Variants in DGKB observed in about 807,000 individuals in gnomAD.
DGKB encodes 90 kDa diacylglycerol kinase.
DGKB carries 67 observed loss-of-function variants against 114.3 expected under a neutral mutation model. The observed-to-expected ratio is 0.59, with a 90% CI of 0.48 to 0.72. The LOEUF is 0.72. Ranked by LOEUF, DGKB falls within the 30% of genes least tolerant of loss-of-function variation. The pLI is 0.00. For missense variants in DGKB, 907 were observed against 975.2 expected (o/e 0.93, Z 0.93); for synonymous variants, 398 against 323.1 (o/e 1.23, Z -2.49).
At chr7:14,158,028 G>A (rs1195831474) in intron 25 of DGKB, among the ~76,000 whole-genome samples, 1 of 152,158 alleles carries the variant, frequency 6.6e-6, no homozygotes, top group East Asian at 1.9e-4. Flanking sequence ...TTGTTTCCCA[G>A]ATTAGTCACT....
At chr7:14,275,514 T>C (rs1368566748) in intron 23 of DGKB, among the ~76,000 whole-genome samples, 1 of 152,188 alleles carries the variant, frequency 6.6e-6, no homozygotes, top group Admixed American at 6.5e-5. Context: ...AAGCAACATT[T>C]AACAAGCACT....
At chr7:14,480,869 TTTC>T (rs1782885706) in intron 20 of DGKB, among the ~76,000 whole-genome samples, 1 of 152,142 alleles carries the variant, frequency 6.6e-6, no homozygotes, top group African/African-American at 2.4e-5. Flanking sequence ...TAGCTCATAT[TTTC>T]ATACATCTTA....
At chr7:14,154,177 CTTTT>C (rs5882429) in intron 25 of DGKB, among the ~76,000 whole-genome samples, 43 of 128,350 alleles carry the variant, frequency 3.4e-4, no homozygotes, top group African/African-American at 1.0e-3. Context: ...AGAGTTTTGT[CTTTT>C]TTTTTTTTTT....
At chr7:14,717,403 T>C (rs1828382140) in intron 6 of DGKB, among the ~76,000 whole-genome samples, 1 of 152,108 alleles carries the variant, frequency 6.6e-6, no homozygotes, top group Non-Finnish European at 1.5e-5. Context: ...TGAACATTAA[T>C]ATTTACTTTG....
chr7:14,193,526 G>T (rs973119868), intron 23 of DGKB, among the ~76,000 whole-genome samples: 8 of 152,148 alleles, frequency 5.3e-5, no homozygotes, highest in African/African-American at 1.9e-4. Flanking sequence ...CCTGACTCAT[G>T]TTATGTACAA....
intron 1 of DGKB, among the ~76,000 whole-genome samples, chr7:14,946,900 T>C (rs2128257895): frequency 6.6e-6 from 1 of 151,908 alleles, no homozygotes; most frequent in East Asian, 1.9e-4. Context: ...CAAACTCACA[T>C]TTATTACCTG....
intron 20 of DGKB, among the ~76,000 whole-genome samples, chr7:14,531,251 G>A (rs975258909): frequency 6.6e-5 from 10 of 150,858 alleles, no homozygotes; most frequent in African/African-American, 2.2e-4. Context: ...TGAAAGAGAA[G>A]AAAAAAAACA....
At chr7:14,203,787 C>A (rs373001432) in intron 23 of DGKB, among the ~76,000 whole-genome samples, 27 of 152,094 alleles carry the variant, frequency 1.8e-4, no homozygotes, top group African/African-American at 5.3e-4. Context: ...CTTAAAACCT[C>A]ATCTCTGTTC....
chr7:14,602,218 C>T (rs548476962), intron 17 of DGKB, among the ~76,000 whole-genome samples: 1 of 152,192 alleles, frequency 6.6e-6, no homozygotes, highest in Non-Finnish European at 1.5e-5. Flanking sequence ...AGCAATTTAG[C>T]CCAGGATGGA....
At chr7:14,157,884 T>A (rs1783265384) in intron 25 of DGKB, among the ~76,000 whole-genome samples, 1 of 152,210 alleles carries the variant, frequency 6.6e-6, no homozygotes, top group African/African-American at 2.4e-5. Context: ...ACACTTCTTT[T>A]CTTAACTAGA....
intron 14 of DGKB, among the ~76,000 whole-genome samples, chr7:14,625,111 G>A (rs1022385530): frequency 2.0e-5 from 3 of 151,950 alleles, no homozygotes; most frequent in Non-Finnish European, 4.4e-5. Context: ...TATATAACAA[G>A]TTAATTTTTA....
intron 17 of DGKB, among the ~76,000 whole-genome samples, chr7:14,588,362 C>G (rs1049063508): frequency 1.3e-5 from 2 of 151,890 alleles, no homozygotes; most frequent in African/African-American, 2.4e-5. Context: ...TTTTAATATT[C>G]AATTTCATCA....
intron 1 of DGKB, among the ~76,000 whole-genome samples, chr7:14,917,884 C>T (rs1028220965): frequency 2.0e-5 from 3 of 151,996 alleles, no homozygotes; most frequent in Non-Finnish European, 2.9e-5. Flanking sequence ...AATCCAACAA[C>T]GTATAGAAAG....
chr7:14,876,997 A>G (rs1231943696), intron 1 of DGKB, among the ~76,000 whole-genome samples: 1 of 152,210 alleles, frequency 6.6e-6, no homozygotes, highest in African/African-American at 2.4e-5. Context: ...TGCACATTTT[A>G]TGTGCTAAAA....
At chr7:14,941,919 T>C (rs1442456861) in intron 1 of DGKB, among the ~76,000 whole-genome samples, 1 of 152,062 alleles carries the variant, frequency 6.6e-6, no homozygotes, top group Non-Finnish European at 1.5e-5. Context: ...ACAGTTAATT[T>C]TAGAATTCAG....
chr7:14,641,520 A>G (rs1170530126), intron 13 of DGKB, among the ~76,000 whole-genome samples: 3 of 150,384 alleles, frequency 2.0e-5, no homozygotes, highest in Non-Finnish European at 4.4e-5. Context: ...GGCTGTGCCT[A>G]GGCAAAAATT....
At chr7:14,279,079 G>A (rs976469142) in intron 23 of DGKB, among the ~76,000 whole-genome samples, 35 of 152,192 alleles carry the variant, frequency 2.3e-4, no homozygotes, top group African/African-American at 8.4e-4. Flanking sequence ...GAAGCGCAAG[G>A]GGTCAGGGAG....
intron 20 of DGKB, among the ~76,000 whole-genome samples, chr7:14,556,680 G>A (rs1415123484): frequency 1.8e-4 from 28 of 151,954 alleles, no homozygotes; most frequent in Admixed American, 1.8e-3. Context: ...TGGCTTTCTT[G>A]AAATAAACCC....
At chr7:14,520,684 C>T (rs1584537273) in intron 20 of DGKB, among the ~76,000 whole-genome samples, 1 of 151,928 alleles carries the variant, frequency 6.6e-6, no homozygotes, top group Admixed American at 6.6e-5. Flanking sequence ...GTCAGAGCAA[C>T]ACCTAGTATG....
Sources: allele counts gnomAD v4.1 joint callset (sites outside exome capture counted in the v4.1 genomes callset), GRCh38; gene constraint gnomAD v4.1.1; transcripts MANE v1.5; gene names NCBI Gene and HGNC (gene_info 2026-07-23, HGNC 2026-07-21).